Variants in GIN1 observed in about 807,000 individuals in gnomAD.
The protein encoded by GIN1 is gypsy retrotransposon integrase-like protein 1.
In GIN1, 41 loss-of-function variants were observed where a neutral mutation model predicts 51.4. That is an observed-to-expected ratio of 0.80 (90% confidence interval 0.62 to 1.04). The LOEUF (loss-of-function observed/expected upper bound fraction) is 1.04, where lower values mean the gene tolerates loss of function less well. GIN1 is among the 50% of genes least tolerant of loss of function. The pLI is 0.00. For missense variants in GIN1, 610 were observed against 612.4 expected (o/e 1.00, Z 0.04); for synonymous variants, 222 against 206.5 (o/e 1.07, Z -0.64).
intron 7 of GIN1, among the ~76,000 whole-genome samples, chr5:103,091,533 T>C (rs1554194531): frequency 6.6e-6 from 1 of 152,270 alleles, no homozygotes; most frequent in Non-Finnish European, 1.5e-5. Context: ...AATTTAGTTA[T>C]GATTATGACA....
At chr5:103,097,891 T>G (rs1787453940) in intron 4 of GIN1, 110 bp from the exon 5 acceptor site, 2 of 596,368 alleles carry the variant, frequency 3.4e-6, no homozygotes, top group Non-Finnish European at 5.7e-6. Context: ...ATTTATCTAT[T>G]TATTTTTTTG....
At chr5:103,117,818 T>C (rs782164115) in intron 1 of GIN1, among the ~76,000 whole-genome samples, 15 of 152,100 alleles carry the variant, frequency 9.9e-5, no homozygotes, top group Non-Finnish European at 2.2e-4. Context: ...TCAGAGATTG[T>C]CCAATTTACT....
chr5:103,115,465 G>C (rs114319587), intron 1 of GIN1, among the ~76,000 whole-genome samples: 1,867 of 152,244 alleles, frequency 0.012, 33 homozygotes, highest in African/African-American at 0.044. Flanking sequence ...GGTAGTCAGA[G>C]TAGTCAAATA....
At chr5:103,101,016 T>G (rs1489340243) in intron 4 of GIN1, among the ~76,000 whole-genome samples, 1 of 152,194 alleles carries the variant, frequency 6.6e-6, no homozygotes. Context: ...CTAACCCTAT[T>G]TATACTATGT....
At chr5:103,092,626 A>C (rs1787276567) in intron 7 of GIN1, among the ~76,000 whole-genome samples, 1 of 152,096 alleles carries the variant, frequency 6.6e-6, no homozygotes, top group Non-Finnish European at 1.5e-5. Context: ...TACTGTCAAC[A>C]GATAACTGAG....
intron 7 of GIN1, among the ~76,000 whole-genome samples, chr5:103,089,580 C>A (rs1787179281): frequency 6.6e-6 from 1 of 152,084 alleles, no homozygotes; most frequent in Admixed American, 6.5e-5. Flanking sequence ...CCTCAGCCTC[C>A]CAAATAGCTG....
In GIN1 at chr5:103,099,317, G is replaced by A. The variant is rs143919368; in HGVS notation, c.640-1536C>T. Among the ~76,000 whole-genome samples the A allele has an allele frequency of 3.2e-4, 49 of 151,964 alleles. No homozygotes were observed. The East Asian group carries it at 7.5e-3, about 23-fold the overall frequency. On this transcript the variant is annotated intron_variant, in intron 4 of 7. Transcript: ENST00000399004. Reference sequence around the variant, plus strand: ...TTGTGGCATGTGCTCCAGCAGCCACGTTGTGAATACAATAGGAGTGACTCT... The same window carrying A: ...TTGTGGCATGTGCTCCAGCAGCCACATTGTGAATACAATAGGAGTGACTCT...
intron 4 of GIN1, among the ~76,000 whole-genome samples, chr5:103,098,905 A>G (rs1787486304): frequency 6.6e-6 from 1 of 152,322 alleles, no homozygotes; most frequent in Admixed American, 6.5e-5. Context: ...GTGTTACTAT[A>G]TTATGTGTAG....
In GIN1 at chr5:103,094,148, T is replaced by C. The variant is rs115010600; in HGVS notation, c.1294+2393A>G. Among the ~76,000 whole-genome samples, 1,027 of 152,262 alleles carry C rather than the reference T, an allele frequency of 6.7e-3. 7 individuals carry two copies. Among genetic ancestry groups the C allele is most frequent in the Non-Finnish European group, 0.013 (857 of 67,996 alleles). ...ATCATTTTGTTTGCTTTAATTCAGC[T>C]CAAGGACTCTTTCAAATCAACTTGT... On this transcript the variant is annotated intron_variant, in intron 7 of 7. Coordinates refer to ENST00000399004, the MANE Select transcript of GIN1 (RefSeq NM_017676.2).
chr5:103,110,601 T>C (rs1356427300), intron 1 of GIN1, among the ~76,000 whole-genome samples: 2 of 152,146 alleles, frequency 1.3e-5, no homozygotes, highest in Non-Finnish European at 2.9e-5. Context: ...CAAGTGTTGG[T>C]GAAGACAGGC....
intron 7 of GIN1, among the ~76,000 whole-genome samples, chr5:103,089,596 A>G (rs1787179741): frequency 6.6e-6 from 1 of 152,146 alleles, no homozygotes; most frequent in African/African-American, 2.4e-5. Flanking sequence ...AGCTGGGACC[A>G]TAGACACATG....
intron 7 of GIN1, among the ~76,000 whole-genome samples, chr5:103,089,366 C>CT (rs1787170530): frequency 1.3e-5 from 2 of 152,176 alleles, no homozygotes; most frequent in Non-Finnish European, 2.9e-5. Flanking sequence ...CCTACCTTCT[C>CT]TTTCTAAATG....
At chr5:103,091,561 T>C (rs1554194538) in intron 7 of GIN1, among the ~76,000 whole-genome samples, 1 of 152,264 alleles carries the variant, frequency 6.6e-6, no homozygotes, top group Non-Finnish European at 1.5e-5. Context: ...GATGAAAGCA[T>C]CATTTTGGTT....
intron 7 of GIN1, among the ~76,000 whole-genome samples, chr5:103,090,784 T>C (rs972151069): frequency 4.6e-5 from 7 of 152,114 alleles, no homozygotes; most frequent in African/African-American, 1.7e-4. Flanking sequence ...CTGAAATGGA[T>C]TCAGAGACCT....
At chr5:103,094,704 A>T (rs1554194840) in intron 7 of GIN1, among the ~76,000 whole-genome samples, 1 of 152,226 alleles carries the variant, frequency 6.6e-6, no homozygotes, top group Non-Finnish European at 1.5e-5. Context: ...CAAATCATGA[A>T]TGTCAAAGAT....
chr5:103,119,314 T>C (rs913138296), intron 1 of GIN1, among the ~76,000 whole-genome samples: 2 of 152,206 alleles, frequency 1.3e-5, no homozygotes, highest in African/African-American at 4.8e-5. Flanking sequence ...TGAATTATTC[T>C]ATTTTAAGCT....
chr5:103,094,928 A>T (rs1038378213), intron 7 of GIN1, among the ~76,000 whole-genome samples: 1 of 152,214 alleles, frequency 6.6e-6, no homozygotes. Context: ...TTACTGACTA[A>T]ACAACTCGGT....
intron 4 of GIN1, among the ~76,000 whole-genome samples, chr5:103,099,978 T>C (rs1554195591): frequency 6.6e-6 from 1 of 152,260 alleles, no homozygotes; most frequent in East Asian, 1.9e-4. Context: ...TTATGCTTTC[T>C]GTGTAATAGT....
chr5:103,105,925 T>C (rs782062157), intron 3 of GIN1, among the ~76,000 whole-genome samples: 1 of 152,128 alleles, frequency 6.6e-6, no homozygotes. Flanking sequence ...GCAGGAAAAA[T>C]ATATAAATTA....
Sources: allele counts gnomAD v4.1 joint callset (sites outside exome capture counted in the v4.1 genomes callset), GRCh38; gene constraint gnomAD v4.1.1; transcripts MANE v1.5; gene names NCBI Gene and HGNC (gene_info 2026-07-23, HGNC 2026-07-21).